The following ZNF33A variants were observed in gnomAD, a reference collection of about 807,000 sequenced individuals.
ZNF33A encodes the protein zinc finger protein 33A.
ZNF33A carries 9 observed loss-of-function variants against 15.9 expected under a neutral mutation model. The observed-to-expected ratio is 0.57, with a 90% CI of 0.34 to 0.99. The LOEUF (loss-of-function observed/expected upper bound fraction) is 0.99, where lower values mean the gene tolerates loss of function less well. Ranked by LOEUF, ZNF33A falls within the 50% of genes least tolerant of loss-of-function variation. The pLI, the probability that ZNF33A is intolerant of heterozygous loss-of-function variation, is 0.02. For missense variants in ZNF33A, 843 were observed against 941.6 expected (o/e 0.90, Z 1.37); for synonymous variants, 294 against 324.2 (o/e 0.91, Z 1.00).
At chr10:38,027,139 T>G (rs1335819964) in intron 4 of ZNF33A, among the ~76,000 whole-genome samples, 1 of 152,142 alleles carries the variant, frequency 6.6e-6, no homozygotes, top group Admixed American at 6.5e-5. Flanking sequence ...GTTGTGAAAT[T>G]GGAGATTTTG....
intron 4 of ZNF33A, among the ~76,000 whole-genome samples, chr10:38,053,198 C>A (rs1378675326): frequency 6.6e-6 from 1 of 152,122 alleles, no homozygotes. Flanking sequence ...ATTCAACAGA[C>A]TGGGTAGCTT....
intron 4 of ZNF33A, chr10:38,039,334 C>T (rs1358733522): frequency 2.6e-6 from 1 of 380,124 alleles, no homozygotes; most frequent in African/African-American, 2.1e-5. Context: ...GCAATTTTCC[C>T]ACCTCAGCCT....
chr10:38,049,472 C>T (rs762272247), intron 4 of ZNF33A, among the ~76,000 whole-genome samples: 4 of 151,844 alleles, frequency 2.6e-5, no homozygotes, highest in East Asian at 1.9e-4. Flanking sequence ...GTATTATGTG[C>T]GTATATATCT....
Position 38,056,756 on chromosome 10 carries a change from A to G in ZNF33A, c.*196A>G. The G allele has an allele frequency of 8.0e-7, 1 of 1,244,916 alleles. No homozygotes were observed. Among genetic ancestry groups the G allele is most frequent in the Non-Finnish European group, 1.0e-6 (1 of 994,998 alleles). The allele number at this position is 1,244,916 out of a possible 1,614,324, so 77.1% of individuals were successfully genotyped here. ...GCAAAAATGCAAATAAGGTTATGTT[A>G]GAATTTACACTGAGGAGAAAATTGT... On this transcript the variant is annotated 3_prime_UTR_variant, in exon 5 of 5. Transcript: ENST00000432900.
intron 4 of ZNF33A, among the ~76,000 whole-genome samples, chr10:38,020,117 CAAAACAA>C (rs2064669722): frequency 6.6e-6 from 1 of 151,954 alleles, no homozygotes; most frequent in African/African-American, 2.4e-5. Flanking sequence ...AAACAGAAAA[CAAAACAA>C]ATAGCAGCCT....
intron 4 of ZNF33A, among the ~76,000 whole-genome samples, chr10:38,029,362 A>G (rs1026656848): frequency 8.5e-5 from 13 of 152,186 alleles, no homozygotes; most frequent in African/African-American, 2.9e-4. Context: ...AGCAATTTAT[A>G]TATGTCATCC....
chr10:38,052,787 C>A (rs1171042947), intron 4 of ZNF33A, among the ~76,000 whole-genome samples: 1 of 152,030 alleles, frequency 6.6e-6, no homozygotes, highest in East Asian at 1.9e-4. Flanking sequence ...TCAATTTTCA[C>A]ATCTAGTAGT....
rs754688797 is a variant in ZNF33A, at chr10:38,017,304, C to A, written c.168C>A (p.His56Gln). The A allele has an allele frequency of 1.4e-5, 22 of 1,613,704 alleles. No homozygotes were observed. The stretch of plus-strand genomic sequence containing the variant: ...TCCTGTTAACAGGGTATTGTGTTCA[C>A]AAACCAGAGGTGATCTTCAGGCTGC... Reference protein sequence around the residue: ...SNLVSVGYCVHKPEVIFRLQQ... With the variant: ...SNLVSVGYCVQKPEVIFRLQQ... The change falls in exon 4 of 5, where the codon CAC (histidine) becomes CAA (glutamine). Residue 56 changes from histidine to glutamine, a missense_variant. Transcript: ENST00000432900.
chr10:38,025,019 T>A (rs1407722287), intron 4 of ZNF33A, among the ~76,000 whole-genome samples: 1 of 152,226 alleles, frequency 6.6e-6, no homozygotes, highest in Admixed American at 6.5e-5. Context: ...TGTTATAACT[T>A]TTCTATTTTA....
At chr10:38,022,705 T>C (rs907345100) in intron 4 of ZNF33A, among the ~76,000 whole-genome samples, 2 of 150,918 alleles carry the variant, frequency 1.3e-5, no homozygotes, top group African/African-American at 4.9e-5. Flanking sequence ...ATGTACCAGT[T>C]CTTCAGAAAC....
chr10:38,040,587 A>C (rs535845354), intron 4 of ZNF33A, among the ~76,000 whole-genome samples: 2 of 152,184 alleles, frequency 1.3e-5, no homozygotes, highest in African/African-American at 4.8e-5. Context: ...TTTTGTATTA[A>C]AGTGTATTTT....
chr10:38,030,672 G>A (rs1266508778), intron 4 of ZNF33A, among the ~76,000 whole-genome samples: 2 of 152,162 alleles, frequency 1.3e-5, no homozygotes, highest in African/African-American at 4.8e-5. Flanking sequence ...TGAGAAAGAA[G>A]GGAGAAGAAT....
At chr10:38,016,390 A>G (rs2064453915) in intron 2 of ZNF33A, among the ~76,000 whole-genome samples, 1 of 152,054 alleles carries the variant, frequency 6.6e-6, no homozygotes, top group South Asian at 2.1e-4. Flanking sequence ...GCTGTCTGCC[A>G]TTTTGTTGAT....
chr10:38,014,799 A>G (rs907849927), intron 2 of ZNF33A, among the ~76,000 whole-genome samples: 7 of 152,184 alleles, frequency 4.6e-5, no homozygotes, highest in African/African-American at 1.7e-4. Context: ...TTGCATTTCC[A>G]TACAAATATT....
chr10:38,044,208 C>CTTTTTTTTTT (rs35770536), intron 4 of ZNF33A, among the ~76,000 whole-genome samples: 1 of 136,022 alleles, frequency 7.4e-6, no homozygotes. Flanking sequence ...TCTTTTCTTT[C>CTTTTTTTTTT]TTTTTTTTTT....
Position 38,044,470 on chromosome 10 carries a change from A to G in ZNF33A, c.251-9905A>G, listed in dbSNP as rs537315078. On this transcript the variant is annotated intron_variant, in intron 4 of 4. Coordinates refer to ENST00000432900, the MANE Select transcript of ZNF33A (RefSeq NM_006954.2). ...GGTGATTCACCTGCCTTGGCCTCCC[A>G]AAGTGCTGGGATTTCAGGCATGAGC... is the stretch of plus-strand genomic sequence containing the variant. 2.0e-5 allele frequency among the ~76,000 whole-genome samples: 3 copies of G among 152,114 alleles called. No homozygotes were observed. The East Asian group carries it at 5.8e-4, about 30-fold the overall frequency.
intron 4 of ZNF33A, among the ~76,000 whole-genome samples, chr10:38,033,081 G>A (rs2065283728): frequency 6.6e-6 from 1 of 152,058 alleles, no homozygotes; most frequent in African/African-American, 2.4e-5. Flanking sequence ...CATCATCCCT[G>A]AAACAAAGCA....
At chr10:38,066,086 G>A (rs1295647116), downstream of ZNF33A, among the ~76,000 whole-genome samples, 1 of 152,104 alleles carries the variant, frequency 6.6e-6, no homozygotes, top group Admixed American at 6.5e-5. Flanking sequence ...TGGCCTTCCT[G>A]AAACTCAGAA....
Position 38,056,029 on chromosome 10 carries a change from A to C in ZNF33A, c.1905A>C (p.Lys635Asn), listed in dbSNP as rs143542254. 16 of 1,613,972 alleles carry C rather than the reference A, an allele frequency of 9.9e-6. No individual in the cohort carries two copies. Among genetic ancestry groups the C allele is most frequent in the African/African-American group, 4.0e-5 (3 of 74,912 alleles). ...ATCAGAGAATTCACATAGGGGAGAA[A>C]CCCTATAAATGTAATGAGTGTGGAA... is the stretch of plus-strand genomic sequence containing the variant. The part of the protein sequence containing the change: ...TQHQRIHIGE[K>N]PYKCNECGKA... The change falls in exon 5 of 5, where the codon AAA becomes AAC. Residue 635 changes from lysine (K) to asparagine (N), a missense_variant. Coordinates refer to ENST00000432900, the MANE Select transcript of ZNF33A (RefSeq NM_006954.2).
Sources: gnomAD v4.1 joint callset for allele counts (sites outside exome capture counted in the v4.1 genomes callset) on GRCh38, gnomAD v4.1.1 for gene constraint, MANE v1.5 for transcripts, NCBI Gene and HGNC (gene_info 2026-07-23, HGNC 2026-07-21) for gene names.